Variants in PPP4R3B observed in about 807,000 individuals in gnomAD.
PPP4R3B encodes protein phosphatase 4 regulatory subunit 3B.
PPP4R3B carries 52 observed loss-of-function variants against 95.4 expected under a neutral mutation model. The ratio of observed to expected loss-of-function variants is 0.54; its 90% CI spans 0.44 to 0.69. The LOEUF (loss-of-function observed/expected upper bound fraction) is 0.69, where lower values mean the gene tolerates loss of function less well. PPP4R3B is among the 30% of genes least tolerant of loss of function. The pLI, the probability that PPP4R3B is intolerant of heterozygous loss-of-function variation, is 0.00. For synonymous variants in PPP4R3B, 407 were observed against 343.9 expected (o/e 1.18, Z -2.03); for missense variants, 1,003 against 1,005.9 (o/e 1.00, Z 0.04).
chr2:55,564,562 G>A, intron 14 of PPP4R3B, 65 bp from the exon 15 acceptor site: 1 of 1,376,130 alleles, frequency 7.3e-7, no homozygotes. Flanking sequence ...TGAACTGAAG[G>A]AAAAATATGT....
At position 55,584,949 on chromosome 2, in the gene PPP4R3B, C is replaced by G. The variant is rs1462847610; in HGVS notation, c.1233+102G>C. 7.7e-6 allele frequency: 7 copies of G among 912,110 alleles called. No homozygotes were observed. The Middle Eastern group carries it at 8.6e-4, about 112-fold the overall frequency. 56.5% of individuals were successfully genotyped at this position (912,110 alleles called of 1,614,324 possible). A position where few individuals can be genotyped will look rare whatever the true frequency, so the allele number is the denominator to read the frequency against. On this transcript the variant is annotated intron_variant, in intron 7 of 16. Transcript: ENST00000616407. ...CAAGTCAGAAATCTATTATTTTGCTCCCAAGAAAGATTAAGATTATGTTAT... is the reference window on the plus strand; with the variant it reads ...CAAGTCAGAAATCTATTATTTTGCTGCCAAGAAAGATTAAGATTATGTTAT...
intron 4 of PPP4R3B, among the ~76,000 whole-genome samples, chr2:55,593,019 C>G (rs902498516): frequency 6.6e-6 from 1 of 152,020 alleles, no homozygotes; most frequent in Non-Finnish European, 1.5e-5. Context: ...ATTAGCCAGG[C>G]ATGGTGGCTG....
At position 55,549,961 on chromosome 2, in the gene PPP4R3B, C is replaced by G. The variant is rs374278198; in HGVS notation, c.2500G>C (p.Asp834His). ...CTGGGGGACGATTCTTCTTCTTCATCTTCCTCTTCATCATCTGGATAATCC... is the reference window on the plus strand; with the variant it reads ...CTGGGGGACGATTCTTCTTCTTCATGTTCCTCTTCATCATCTGGATAATCC... ...LVDYPDDEEE[D>H]EEEESSPRKR... The change falls in exon 17 of 17, where the codon GAT (aspartate) becomes CAT (histidine). Residue 834 changes from aspartate to histidine, a missense_variant. By Grantham distance (81) the Asp-to-His change is moderately conservative. Coordinates refer to ENST00000616407, the MANE Select transcript of PPP4R3B (RefSeq NM_001122964.3). The G allele has an allele frequency of 8.7e-6, 14 of 1,613,324 alleles. No homozygotes were observed. The highest frequency in any genetic ancestry group is 1.1e-5 in the Non-Finnish European group (13 of 1,179,838).
chr2:55,566,325 A>G (rs1687292920), intron 13 of PPP4R3B, among the ~76,000 whole-genome samples: 1 of 152,230 alleles, frequency 6.6e-6, no homozygotes, highest in South Asian at 2.1e-4. Context: ...CACAAGGTAC[A>G]CAAATCGACC....
chr2:55,600,818 A>G (rs1692461052), intron 3 of PPP4R3B, among the ~76,000 whole-genome samples: 1 of 152,166 alleles, frequency 6.6e-6, no homozygotes, highest in African/African-American at 2.4e-5. Flanking sequence ...AAAGAGGGAA[A>G]AAAACATGAA....
chr2:55,588,957 C>T lies in PPP4R3B; in HGVS notation c.922-1G>A, dbSNP rs1291164292. On this transcript the variant is annotated splice_acceptor_variant, in intron 4 of 16. Coordinates refer to ENST00000616407, the MANE Select transcript of PPP4R3B (RefSeq NM_001122964.3). LOFTEE classifies it high-confidence loss of function. Reference sequence around the variant, plus strand: ...CTTCAGACAAAAACTTCTCATCTTCCTGCATGAGAAAAATAATTACTATGA... The same window carrying T: ...CTTCAGACAAAAACTTCTCATCTTCTTGCATGAGAAAAATAATTACTATGA... The T allele has an allele frequency of 6.4e-7, 1 of 1,573,280 alleles. No homozygotes were observed. Among genetic ancestry groups the T allele is most frequent in the South Asian group, 1.1e-5 (1 of 89,426 alleles).
At chr2:55,611,308 C>T (rs1694135986) in intron 2 of PPP4R3B, among the ~76,000 whole-genome samples, 1 of 152,212 alleles carries the variant, frequency 6.6e-6, no homozygotes, top group Admixed American at 6.5e-5. Flanking sequence ...ACCACAAGCA[C>T]ACGCCACCAC....
chr2:55,584,431 T>C (rs1689852555), intron 7 of PPP4R3B, among the ~76,000 whole-genome samples: 2 of 152,278 alleles, frequency 1.3e-5, no homozygotes, highest in South Asian at 2.1e-4. Flanking sequence ...TTGTGAGATT[T>C]TGGGGCACCC....
At chr2:55,616,812 G>T (rs1014633937) in intron 1 of PPP4R3B, among the ~76,000 whole-genome samples, 2 of 152,072 alleles carry the variant, frequency 1.3e-5, no homozygotes, top group African/African-American at 4.8e-5. Context: ...AATAAAGGGG[G>T]AGGAAGGTGT....
chr2:55,600,795 A>T (rs1302048254), intron 3 of PPP4R3B, among the ~76,000 whole-genome samples: 7 of 152,172 alleles, frequency 4.6e-5, no homozygotes, highest in Admixed American at 4.6e-4. Context: ...ACAAATGGAA[A>T]GGAGAAACAG....
At chr2:55,559,424 A>G (rs897141822) in intron 15 of PPP4R3B, among the ~76,000 whole-genome samples, 9 of 152,202 alleles carry the variant, frequency 5.9e-5, no homozygotes, top group Non-Finnish European at 1.3e-4. Flanking sequence ...GAAAAAGAAC[A>G]TGATGTGTAC....
intron 3 of PPP4R3B, among the ~76,000 whole-genome samples, chr2:55,601,467 G>T (rs573219948): frequency 3.7e-4 from 56 of 150,858 alleles, no homozygotes; most frequent in Admixed American, 1.2e-3. Flanking sequence ...TGCAAGCTCC[G>T]CCTCCCAGGT....
chr2:55,581,753 C>A lies in PPP4R3B; in HGVS notation c.1234-55G>T, dbSNP rs979455144. On this transcript the variant is annotated intron_variant, in intron 7 of 16. Transcript: ENST00000616407. ...TGTTTCCATTAGACCTGGTTTAGAT[C>A]TAAGACAAAAACACCAACTGAAAGA... 4.5e-6 allele frequency: 7 copies of A among 1,559,770 alleles called. No individual in the cohort carries two copies. The African/African-American group carries it at 6.9e-5, about 15-fold the overall frequency.
At chr2:55,616,467 T>G (rs1694944758) in intron 1 of PPP4R3B, 1 of 152,256 alleles carries the variant, frequency 6.6e-6, no homozygotes, top group East Asian at 1.9e-4. Context: ...TTTTGTAATT[T>G]AAAATACTTC....
intron 11 of PPP4R3B, among the ~76,000 whole-genome samples, chr2:55,575,497 G>A (rs550662424): frequency 6.6e-6 from 1 of 152,148 alleles, no homozygotes; most frequent in African/African-American, 2.4e-5. Flanking sequence ...CCAGGCTGGA[G>A]GGCACTGGTG....
intron 8 of PPP4R3B, 26 bp downstream of exon 8, chr2:55,581,541 A>G (rs1689442507): frequency 1.9e-6 from 3 of 1,600,250 alleles, no homozygotes; most frequent in Non-Finnish European, 2.6e-6. Context: ...AGGCCAAAAC[A>G]TTTTTATCTC....
At position 55,548,213 on chromosome 2, in the gene PPP4R3B, C is replaced by A. The variant is rs1292884000; in HGVS notation, c.*1698G>T. Reference sequence around the variant, plus strand: ...TAGTCACTGATAAAGTGCCATTGACCCGCATTTGTTTAGAATTATTTCATT... The same window carrying A: ...TAGTCACTGATAAAGTGCCATTGACACGCATTTGTTTAGAATTATTTCATT... On this transcript the variant is annotated 3_prime_UTR_variant, in exon 17 of 17. Coordinates refer to ENST00000616407, the MANE Select transcript of PPP4R3B (RefSeq NM_001122964.3). 1.3e-5 allele frequency: 2 copies of A among 152,408 alleles called. No individual in the cohort carries two copies. The highest frequency in any genetic ancestry group is 1.9e-4 in the East Asian group (1 of 5,194). The allele number at this position is 152,408 out of a possible 1,614,324, so 9.4% of individuals were successfully genotyped here. A position where few individuals can be genotyped will look rare whatever the true frequency, so the allele number is the denominator to read the frequency against.
chr2:55,594,855 A>C (rs1304022415), intron 4 of PPP4R3B, among the ~76,000 whole-genome samples: 1 of 152,192 alleles, frequency 6.6e-6, no homozygotes, highest in Admixed American at 6.5e-5. Context: ...GGTGAATAAC[A>C]AAAAATTGGT....
In PPP4R3B at chr2:55,604,071, T is replaced by G. The variant is rs1177302384; in HGVS notation, c.204A>C (p.Thr68=). The part of the protein sequence containing the change: ...PNTAYQKQQD[T]LIVWSEAENY... The stretch of plus-strand genomic sequence containing the variant: ...TCTCTGCTTCTGACCAAACAATTAA[T>G]GTATCCTGTTTAAAAATAAATATTT... The change falls in exon 3 of 17, where the codon ACA becomes ACC. Residue 68 remains threonine (T), a synonymous_variant. Transcript: ENST00000616407. The G allele has an allele frequency of 6.2e-7, 1 of 1,600,146 alleles. No individual in the cohort carries two copies. Among genetic ancestry groups the G allele is most frequent in the Non-Finnish European group, 8.5e-7 (1 of 1,174,588 alleles).
Sources: gnomAD v4.1 joint callset for allele counts (sites outside exome capture counted in the v4.1 genomes callset) on GRCh38, gnomAD v4.1.1 for gene constraint, MANE v1.5 for transcripts, NCBI Gene and HGNC (gene_info 2026-07-23, HGNC 2026-07-21) for gene names.